CCDC146: variants seen among roughly 807,000 people sequenced by gnomAD.
The protein encoded by CCDC146 is coiled-coil domain-containing protein 146.
A neutral mutation model predicts 119.3 loss-of-function variants in CCDC146; 92 were observed. The ratio of observed to expected loss-of-function variants is 0.77; its 90% CI spans 0.65 to 0.92. CCDC146 has a LOEUF of 0.92. Ranked by LOEUF, CCDC146 falls within the 40% of genes least tolerant of loss-of-function variation. The pLI is 0.00. For synonymous variants in CCDC146, 372 were observed against 371.8 expected (o/e 1.00, Z -0.01); for missense variants, 1,000 against 1,103.0 (o/e 0.91, Z 1.32).
intron 2 of CCDC146, among the ~76,000 whole-genome samples, chr7:77,209,315 C>T (rs1210653251): frequency 6.6e-6 from 1 of 152,222 alleles, no homozygotes; most frequent in Non-Finnish European, 1.5e-5. Flanking sequence ...CAAAACCCAG[C>T]AGGGCAGTCA....
At chr7:77,182,271 G>A (rs1003675806) in intron 2 of CCDC146, among the ~76,000 whole-genome samples, 3 of 152,278 alleles carry the variant, frequency 2.0e-5, no homozygotes, top group South Asian at 2.1e-4. Flanking sequence ...GAGAGTGATT[G>A]AGTAAAAATG....
intron 2 of CCDC146, among the ~76,000 whole-genome samples, chr7:77,208,103 G>T (rs191972665): frequency 2.0e-5 from 3 of 152,142 alleles, no homozygotes; most frequent in Non-Finnish European, 2.9e-5. Flanking sequence ...TTGGCCTTAT[G>T]CAGGGTTCAG....
chr7:77,188,438 A>G (rs1438962775), intron 2 of CCDC146, among the ~76,000 whole-genome samples: 1 of 152,232 alleles, frequency 6.6e-6, no homozygotes, highest in Non-Finnish European at 1.5e-5. Flanking sequence ...ATGAATTTAA[A>G]TGACCACAAA....
At chr7:77,278,694 A>G (rs1373024678) in intron 11 of CCDC146, 58 bp from the exon 12 acceptor site, 1 of 1,175,824 alleles carries the variant, frequency 8.5e-7, no homozygotes. Flanking sequence ...ATGATGTGGG[A>G]TAAATCTGGG....
chr7:77,209,100 C>T (rs1792131154), intron 2 of CCDC146, among the ~76,000 whole-genome samples: 1 of 152,158 alleles, frequency 6.6e-6, no homozygotes, highest in South Asian at 2.1e-4. Flanking sequence ...CCCCAAAGTC[C>T]TTAACTCATT....
At chr7:77,146,141 T>A (rs1338713319) in intron 1 of CCDC146, among the ~76,000 whole-genome samples, 4 of 152,090 alleles carry the variant, frequency 2.6e-5, no homozygotes, top group Non-Finnish European at 5.9e-5. Context: ...GCTCTTCTTG[T>A]TGAATTGATC....
At chr7:77,180,167 T>C (rs550364437) in intron 2 of CCDC146, among the ~76,000 whole-genome samples, 157 of 144,976 alleles carry the variant, frequency 1.1e-3, no homozygotes, top group Non-Finnish European at 1.2e-3. Flanking sequence ...CATATGTATG[T>C]ACCATATATA....
rs1027070056 is a variant in CCDC146 at position 77,196,217 on chromosome 7, A to G, written c.156+28393A>G. 2 of 1,212,176 alleles carry G rather than the reference A, an allele frequency of 1.6e-6. No individual in the cohort carries two copies. The highest frequency in any genetic ancestry group is 2.3e-6 in the Non-Finnish European group (2 of 859,082). 75.1% of individuals were successfully genotyped at this position (1,212,176 alleles called of 1,614,324 possible). Reference sequence around the variant, plus strand: ...AAATATGAAACAAGGCATATTCTAAAGTGCTGAAGGAATTAATTGCCCTAT... The same window carrying G: ...AAATATGAAACAAGGCATATTCTAAGGTGCTGAAGGAATTAATTGCCCTAT... On this transcript the variant is annotated intron_variant, in intron 2 of 18. Transcript: ENST00000285871. The surrounding 1 kb of genome is among the most constrained non-coding windows in gnomAD (Gnocchi z 4.2).
At chr7:77,235,572 C>T (rs1792718496) in intron 2 of CCDC146, among the ~76,000 whole-genome samples, 1 of 152,142 alleles carries the variant, frequency 6.6e-6, no homozygotes, top group African/African-American at 2.4e-5. Flanking sequence ...CAGGCAGGAC[C>T]TCAAGGTCTT....
intron 1 of CCDC146, among the ~76,000 whole-genome samples, chr7:77,160,151 A>G (rs1402860664): frequency 1.3e-5 from 2 of 152,158 alleles, no homozygotes; most frequent in Admixed American, 1.3e-4. Flanking sequence ...TACAAGTACC[A>G]TGCTGTTTTG....
chr7:77,142,743 C>A (rs1256585499), intron 1 of CCDC146, among the ~76,000 whole-genome samples: 4 of 151,732 alleles, frequency 2.6e-5, no homozygotes, highest in Admixed American at 6.6e-5. Flanking sequence ...AGGACATGAA[C>A]TCATCCTTTT....
At chr7:77,184,020 C>T (rs943720608) in intron 2 of CCDC146, among the ~76,000 whole-genome samples, 1 of 152,262 alleles carries the variant, frequency 6.6e-6, no homozygotes, top group Middle Eastern at 3.4e-3. Flanking sequence ...CCTAAGTTCT[C>T]AGTGATTTGA....
intron 1 of CCDC146, among the ~76,000 whole-genome samples, chr7:77,132,902 T>C (rs1790805624): frequency 6.6e-6 from 1 of 152,166 alleles, no homozygotes; most frequent in African/African-American, 2.4e-5. Flanking sequence ...CCGGGCACGG[T>C]GGCTTATGCC....
At chr7:77,267,774 A>C (rs1562855029) in intron 9 of CCDC146, among the ~76,000 whole-genome samples, 1 of 152,146 alleles carries the variant, frequency 6.6e-6, no homozygotes, top group Non-Finnish European at 1.5e-5. Context: ...TTACACTTTT[A>C]TAGTTTTCGG....
intron 17 of CCDC146, among the ~76,000 whole-genome samples, chr7:77,292,446 G>A (rs920494638): frequency 2.7e-5 from 4 of 150,232 alleles, no homozygotes; most frequent in Non-Finnish European, 5.9e-5. Context: ...AAACCCCAGC[G>A]CTAATAAAAA....
intron 17 of CCDC146, among the ~76,000 whole-genome samples, chr7:77,290,839 C>G (rs1793930681): frequency 6.6e-6 from 1 of 152,172 alleles, no homozygotes; most frequent in African/African-American, 2.4e-5. Context: ...CTAGCAGCAA[C>G]ATTTTTCTAA....
intron 2 of CCDC146, among the ~76,000 whole-genome samples, chr7:77,173,022 A>G (rs1451310414): frequency 6.6e-6 from 1 of 152,016 alleles, no homozygotes; most frequent in Non-Finnish European, 1.5e-5. Context: ...TGCATAGAAA[A>G]TGTAGAGTTC....
At chr7:77,143,054 C>T (rs1178807691) in intron 1 of CCDC146, among the ~76,000 whole-genome samples, 1 of 151,826 alleles carries the variant, frequency 6.6e-6, no homozygotes, top group East Asian at 1.9e-4. Flanking sequence ...GTTCCTATTT[C>T]TACACATCCT....
chr7:77,164,378 G>A (rs1284647529), intron 1 of CCDC146, among the ~76,000 whole-genome samples: 1 of 151,994 alleles, frequency 6.6e-6, no homozygotes, highest in East Asian at 1.9e-4. Context: ...CAAATATAAA[G>A]TATTGTAATG....
Sources: allele counts gnomAD v4.1 joint callset (sites outside exome capture counted in the v4.1 genomes callset), GRCh38; gene constraint gnomAD v4.1.1; non-coding constraint Gnocchi (gnomAD v3.1); transcripts MANE v1.5; gene names NCBI Gene and HGNC (gene_info 2026-07-23, HGNC 2026-07-21).